The following KANK4 variants were observed in gnomAD, a reference collection of about 807,000 sequenced individuals.
The protein encoded by KANK4 is KN motif and ankyrin repeat domain-containing protein 4.
KANK4 carries 50 observed loss-of-function variants against 80.8 expected under a neutral mutation model. The observed-to-expected ratio is 0.62, with a 90% confidence interval of 0.49 to 0.78. The LOEUF (loss-of-function observed/expected upper bound fraction) is 0.78. Ranked by LOEUF, KANK4 falls within the 30% of genes least tolerant of loss-of-function variation. The pLI, the probability that KANK4 is intolerant of heterozygous loss-of-function variation, is 0.00. For missense variants in KANK4, 1,196 were observed against 1,240.1 expected, an observed-to-expected ratio of 0.96 and a Z score of 0.53; for synonymous variants, 465 against 506.9, an observed-to-expected ratio of 0.92 and a Z score of 1.11.
At chr1:62,307,879 A>G (rs1644465852) in intron 1 of KANK4, among the ~76,000 whole-genome samples, 1 of 152,198 alleles carries the variant, frequency 6.6e-6, no homozygotes, top group African/African-American at 2.4e-5. Flanking sequence ...CCCAAATGCA[A>G]GCCAAATGCC....
At chr1:62,249,241 T>G (rs7518610) in intron 8 of KANK4, among the ~76,000 whole-genome samples, 113,337 of 151,048 alleles carry the variant, frequency 0.75, 42,658 homozygotes, top group East Asian at 0.83. Context: ...TGAGATAAAG[T>G]ATGTAAATAT....
At chr1:62,260,664 G>A (rs1671863768) in intron 7 of KANK4, among the ~76,000 whole-genome samples, 1 of 152,094 alleles carries the variant, frequency 6.6e-6, no homozygotes, top group African/African-American at 2.4e-5. Flanking sequence ...AGTCACCAGT[G>A]GCACTCTCCG....
chr1:62,313,086 A>G (rs1555831), intron 1 of KANK4, among the ~76,000 whole-genome samples: 31,478 of 152,148 alleles, frequency 0.21, 3,695 homozygotes, highest in Middle Eastern at 0.31. Flanking sequence ...GAAAGACCAT[A>G]TTCACATAGT....
At chr1:62,302,194 T>C (rs1159714723) in intron 1 of KANK4, among the ~76,000 whole-genome samples, 1 of 151,990 alleles carries the variant, frequency 6.6e-6, no homozygotes, top group African/African-American at 2.4e-5. Flanking sequence ...TTGGCTGTTT[T>C]CCAGTGCAAT....
chr1:62,248,497 T>C (rs7517794), intron 8 of KANK4, among the ~76,000 whole-genome samples: 2,952 of 152,028 alleles, frequency 0.019, 87 homozygotes, highest in African/African-American at 0.067. Flanking sequence ...GCCTCCCAAG[T>C]AGCTGAGCTC....
chr1:62,247,661 A>T lies in KANK4; in HGVS notation c.2694T>A (p.Thr898=). 6.2e-7 allele frequency: 1 copy of T among 1,613,642 alleles called. No individual in the cohort carries two copies. The highest frequency in any genetic ancestry group is 8.5e-7 in the Non-Finnish European group (1 of 1,180,026). The part of the protein sequence containing the change: ...VNIQATQGGQ[T]ALMLGVSHDR... ...CGTGGCTGACTCCCAGCATCAGCGC[A>T]GTCTGGCCTCCCTGCATGCAGAGCC... Residue 898 remains threonine (T), a synonymous_variant, in exon 9 of 10, where the codon ACT becomes ACA. Transcript: ENST00000371153.
chr1:62,239,196 C>T (rs1671281599), intron 9 of KANK4, among the ~76,000 whole-genome samples: 1 of 152,120 alleles, frequency 6.6e-6, no homozygotes, highest in South Asian at 2.1e-4. Flanking sequence ...ATTTGCAATC[C>T]TGTCCTGTCC....
chr1:62,276,120 G>T (rs767098748), intron 2 of KANK4, among the ~76,000 whole-genome samples: 1 of 152,102 alleles, frequency 6.6e-6, no homozygotes, highest in Non-Finnish European at 1.5e-5. Context: ...ATTACACCAA[G>T]GTTCCAGGAT....
In KANK4 at chr1:62,279,999, A is replaced by T. The variant is rs375316325; in HGVS notation, c.16+1550T>A. On this transcript the variant is annotated intron_variant, in intron 2 of 9. Coordinates refer to ENST00000371153, the MANE Select transcript of KANK4 (RefSeq NM_181712.5). ...CAAGAGAAAAGGGGACTTCAAGGGG[A>T]CAAGGTAAGGAGGGAGAACCACAGT... Among the ~76,000 whole-genome samples the T allele has an allele frequency of 1.1e-4, 16 of 152,332 alleles. No homozygotes were observed. In the East Asian group the frequency reaches 1.7e-3, roughly 17 times the overall value.
rs1644405018 is a variant in KANK4 at position 62,300,736 on chromosome 1, A to G, written c.-71+18370T>C. On this transcript the variant is annotated intron_variant, in intron 1 of 9. Coordinates refer to ENST00000371153, the MANE Select transcript of KANK4 (RefSeq NM_181712.5). ...TTCTTAAGCAGGGAGGAACAAGACG[A>G]AAGCTGGGTTTTAAATACAACTCTG... Among the ~76,000 whole-genome samples, 4 of 152,154 alleles carry G rather than the reference A, an allele frequency of 2.6e-5. No individual in the cohort carries two copies. In the South Asian group the frequency reaches 8.3e-4, roughly 32 times the overall value.
At chr1:62,239,807 TTC>T (rs1332207030) in intron 9 of KANK4, among the ~76,000 whole-genome samples, 1 of 152,198 alleles carries the variant, frequency 6.6e-6, no homozygotes, top group Non-Finnish European at 1.5e-5. Flanking sequence ...GAATGATGGT[TTC>T]CAGCTTCATC....
intron 2 of KANK4, among the ~76,000 whole-genome samples, chr1:62,277,821 CCTGTA>C (rs1672346044): frequency 1.3e-5 from 2 of 152,150 alleles, no homozygotes; most frequent in Non-Finnish European, 2.9e-5. Flanking sequence ...CTGAACTGAG[CCTGTA>C]TTAATAATAA....
At chr1:62,271,664 T>C in intron 3 of KANK4, 75 bp from the exon 4 acceptor site, 1 of 1,078,102 alleles carries the variant, frequency 9.3e-7, no homozygotes, top group Non-Finnish European at 1.4e-6. Flanking sequence ...GGATATTGCT[T>C]TGAGGGGACA....
rs770551628 is a variant in KANK4, at chr1:62,247,563, G to C, written c.2792C>G (p.Ser931Trp). 3 of 1,614,040 alleles carry C rather than the reference G, an allele frequency of 1.9e-6. No individual in the cohort carries two copies. The highest frequency in any genetic ancestry group is 1.7e-6 in the Non-Finnish European group (2 of 1,180,004). Residue 931 changes from serine (S) to tryptophan (W), a missense_variant, in exon 9 of 10, where the codon TCG becomes TGG. Around this residue, in one of 3 missense-constraint regions of KANK4, gnomAD observed 1,154 missense variants for 1,179.6 expected, o/e 0.98. Transcript: ENST00000371153. ...DVNLQDHDGS[S>W]ALMVACHHGN... is the part of the protein sequence containing the mutation. ...ATGGTGACAGGCCACCATGAGGGCC[G>C]AGGATCCATCGTGGTCCTGCAGATT...
intron 2 of KANK4, among the ~76,000 whole-genome samples, chr1:62,279,152 C>T (rs772277929): frequency 2.0e-4 from 30 of 151,648 alleles, no homozygotes; most frequent in Non-Finnish European, 3.7e-4. Context: ...CCAAGGATGA[C>T]AGGTTTAATA....
At chr1:62,269,345 AGACTGGT>A (rs1272848303) in intron 4 of KANK4, among the ~76,000 whole-genome samples, 1 of 152,192 alleles carries the variant, frequency 6.6e-6, no homozygotes, top group Non-Finnish European at 1.5e-5. Context: ...ACAGCCACAG[AGACTGGT>A]GGCCATGGCC....
At chr1:62,298,717 C>CTATACCT (rs757442303) in intron 1 of KANK4, among the ~76,000 whole-genome samples, 20 of 152,312 alleles carry the variant, frequency 1.3e-4, no homozygotes, top group Middle Eastern at 3.4e-3. Flanking sequence ...GGCTACATGC[C>CTATACCT]TATACCTTAC....
chr1:62,271,542 A>G lies in KANK4; in HGVS notation c.1948T>C (p.Tyr650His). 1 of 1,614,072 alleles carries G rather than the reference A, an allele frequency of 6.2e-7. No homozygotes were observed. The highest frequency in any genetic ancestry group is 1.7e-5 in the Admixed American group (1 of 60,024). Residue 650 changes from tyrosine (Y) to histidine (H), a missense_variant, in exon 4 of 10, where the codon TAT becomes CAT. Tyr to His is a moderately conservative substitution (Grantham distance 83). This residue lies in a region of KANK4 where 1,154 missense variants were observed against 1,179.6 expected (regional missense o/e 0.98). Coordinates refer to ENST00000371153, the MANE Select transcript of KANK4 (RefSeq NM_181712.5). ...CCATTACCTCCTGCACGGAAGCCAT[A>G]GTCTTTCTTTTTCATTATGGATTTA... Reference protein sequence around the residue: ...SLKSIMKKKDYGFRAGGNGTK... With the variant: ...SLKSIMKKKDHGFRAGGNGTK...
At chr1:62,295,144 C>CTT (rs57158084) in intron 1 of KANK4, among the ~76,000 whole-genome samples, 1,554 of 147,570 alleles carry the variant, frequency 0.011, 22 homozygotes, top group South Asian at 0.068. Flanking sequence ...CACATCTTTT[C>CTT]TTTTTTTTTT....
Sources: gnomAD v4.1 joint callset for allele counts (sites outside exome capture counted in the v4.1 genomes callset) on GRCh38, gnomAD v4.1.1 for gene constraint, gnomAD v4.1.1 regional missense constraint, MANE v1.5 for transcripts, NCBI Gene and HGNC (gene_info 2026-07-23, HGNC 2026-07-21) for gene names.